PDXDC1: variants seen among roughly 807,000 people sequenced by gnomAD.
PDXDC1 encodes pyridoxal dependent decarboxylase domain containing 1.
Under a neutral mutation model 100.1 loss-of-function variants are expected in PDXDC1, and 42 were observed. That is an observed-to-expected ratio of 0.42 (90% CI 0.33 to 0.54). The LOEUF (loss-of-function observed/expected upper bound fraction) is 0.54. Among genes scored for constraint, PDXDC1 ranks in the 20% least tolerant of loss-of-function variants. The pLI, the probability that PDXDC1 is intolerant of heterozygous loss-of-function variation, is 0.10. For missense variants in PDXDC1, 636 were observed against 979.2 expected (o/e 0.65, Z 4.68); for synonymous variants, 260 against 371.7 (o/e 0.70, Z 3.46).
At chr16:15,072,242 C>A (rs1253917694) in intron 16 of PDXDC1, among the ~76,000 whole-genome samples, 3 of 82,846 alleles carry the variant, frequency 3.6e-5, no homozygotes, top group African/African-American at 6.5e-5. Flanking sequence ...TTCTTTCCCC[C>A]ACCAAAAAAA....
At chr16:15,142,239 C>A (rs2048487050), downstream of PDXDC1, among the ~76,000 whole-genome samples, 1 of 152,138 alleles carries the variant, frequency 6.6e-6, no homozygotes, top group South Asian at 2.1e-4. Context: ...CCCCAGAGCC[C>A]CCCCGCTCCC....
rs576639761 is a variant in PDXDC1 at position 15,127,716 on chromosome 16, C to T, written c.1400-11163C>T. ...AGGCAGAGTCACCAACAGCCCCGTACCACACGGCGTTGGCGCCCAGGAAGA... is the reference window on the plus strand; with the variant it reads ...AGGCAGAGTCACCAACAGCCCCGTATCACACGGCGTTGGCGCCCAGGAAGA... On this transcript the variant is annotated intron_variant, in intron 16 of 16. Coordinates refer to the PDXDC1 transcript ENST00000535621. 39 of 1,502,458 alleles carry T rather than the reference C, an allele frequency of 2.6e-5. No individual in the cohort carries two copies. The African/African-American group carries it at 4.9e-4, about 19-fold the overall frequency. 93.1% of individuals were successfully genotyped at this position (1,502,458 alleles called of 1,614,324 possible).
At chr16:15,055,922 C>T in intron 16 of PDXDC1, 2 of 1,232,900 alleles carry the variant, frequency 1.6e-6, no homozygotes, top group East Asian at 3.2e-5. Flanking sequence ...GACGAGGTCC[C>T]CGGCTGACTG....
rs201108015 is a variant in PDXDC1 at position 15,098,616 on chromosome 16, C to T, written c.1400-40263C>T. On this transcript the variant is annotated intron_variant, in intron 16 of 16. Coordinates refer to the PDXDC1 transcript ENST00000535621. ...CTTCTTGGCCGGGCATGGTGGCTCA[C>T]GCCTGTAATCCCAGCACTTTTGGAG... 1.6e-4 allele frequency among the ~76,000 whole-genome samples: 24 copies of T among 152,008 alleles called. No homozygotes were observed. In the East Asian group the frequency reaches 4.5e-3, roughly 28 times the overall value.
intron 16 of PDXDC1, chr16:15,121,946 T>A (rs1180911851): frequency 3.9e-6 from 1 of 258,574 alleles, no homozygotes. Flanking sequence ...ATGGAGACTA[T>A]CCTGGCGAAC....
rs538946749 is a variant in PDXDC1, at chr16:15,130,802, A to G, written c.1400-8077A>G. The G allele has an allele frequency of 3.2e-5, 30 of 944,848 alleles. No homozygotes were observed. In the African/African-American group the frequency reaches 3.6e-4, roughly 11 times the overall value. The allele number at this position is 944,848 out of a possible 1,614,324, so 58.5% of individuals were successfully genotyped here. On this transcript the variant is annotated intron_variant, in intron 16 of 16. Transcript: ENST00000535621. ...CAGACAGGTAGCGGCCTGGGGCAGA[A>G]CGCGCAGGTCACACGCCTGCTGGGA...
chr16:15,059,253 G>T (rs977832932), intron 16 of PDXDC1, among the ~76,000 whole-genome samples: 15 of 152,106 alleles, frequency 9.9e-5, no homozygotes, highest in Non-Finnish European at 1.9e-4. Context: ...GCACAGCCAG[G>T]GTTAAGAACC....
At chr16:14,979,054 G>A (rs1384398792) in intron 1 of PDXDC1, among the ~76,000 whole-genome samples, 1 of 152,300 alleles carries the variant, frequency 6.6e-6, no homozygotes, top group African/African-American at 2.4e-5. Flanking sequence ...GTCATTGAAA[G>A]TCCCTAATTT....
intron 16 of PDXDC1, among the ~76,000 whole-genome samples, chr16:15,097,712 T>G (rs549862081): frequency 1.3e-5 from 2 of 151,628 alleles, no homozygotes; most frequent in Admixed American, 1.3e-4. Flanking sequence ...GAACATTAAC[T>G]AGGACAATTG....
chr16:15,082,447 TA>T (rs2045746900), intron 16 of PDXDC1, among the ~76,000 whole-genome samples: 1 of 152,042 alleles, frequency 6.6e-6, no homozygotes, highest in South Asian at 2.1e-4. Context: ...TGGAGACGGG[TA>T]GATCGCTTGA....
chr16:15,130,098 G>C lies in PDXDC1; in HGVS notation c.1400-8781G>C, dbSNP rs568775775. On this transcript the variant is annotated intron_variant, in intron 16 of 16. Coordinates refer to the PDXDC1 transcript ENST00000535621. ...GGCTCCTGTGAGGACACAGCCGCCG[G>C]GCCCAGGAGGTCACGTGCAAGCTGT... is the stretch of plus-strand genomic sequence containing the variant. The C allele has an allele frequency of 2.1e-6, 3 of 1,420,186 alleles. No homozygotes were observed. The South Asian group carries it at 3.6e-5, about 17-fold the overall frequency. The allele number at this position is 1,420,186 out of a possible 1,614,324, so 88.0% of individuals were successfully genotyped here. A position where few individuals can be genotyped will look rare whatever the true frequency, so the allele number is the denominator to read the frequency against.
Position 15,125,958 on chromosome 16 carries a change from G to A in PDXDC1, c.1400-12921G>A, listed in dbSNP as rs540463151. The A allele has an allele frequency of 1.6e-3, 993 of 606,728 alleles. 11 individuals carry two copies. The highest frequency in any genetic ancestry group is 0.016 in the African/African-American group (860 of 54,486). The allele number at this position is 606,728 out of a possible 1,614,324, so 37.6% of individuals were successfully genotyped here. A position where few individuals can be genotyped will look rare whatever the true frequency, so the allele number is the denominator to read the frequency against. On this transcript the variant is annotated intron_variant, in intron 16 of 16. Coordinates refer to the PDXDC1 transcript ENST00000535621. ...GATATATGGGACATCTGCACCGTCCGTGATGGCAGCCCCTCGCGACGTGTG... is the reference window on the plus strand; with the variant it reads ...GATATATGGGACATCTGCACCGTCCATGATGGCAGCCCCTCGCGACGTGTG...
intron 1 of PDXDC1, among the ~76,000 whole-genome samples, chr16:14,982,435 C>T (rs1968202085): frequency 6.6e-6 from 1 of 152,250 alleles, no homozygotes; most frequent in African/African-American, 2.4e-5. Flanking sequence ...CCAGCCTGGC[C>T]CACGTGGTGA....
chr16:15,131,229 C>A, intron 16 of PDXDC1: 1 of 1,591,560 alleles, frequency 6.3e-7, no homozygotes, highest in Non-Finnish European at 8.5e-7. Flanking sequence ...CAGCCCAGTC[C>A]GAGTTGTTGG....
chr16:15,066,239 G>A (rs1028132775), intron 16 of PDXDC1, among the ~76,000 whole-genome samples: 3 of 152,160 alleles, frequency 2.0e-5, no homozygotes, highest in African/African-American at 7.2e-5. Flanking sequence ...AGGTAAAGTT[G>A]AAGATCTGCA....
At chr16:15,016,080 C>A in intron 8 of PDXDC1, 49 bp from the exon 9 acceptor site, 1 of 1,613,780 alleles carries the variant, frequency 6.2e-7, no homozygotes, top group South Asian at 1.1e-5. Context: ...AGGTATAAAG[C>A]CTTAGAAAAC....
intron 7 of PDXDC1, 33 bp downstream of exon 7, chr16:15,008,880 G>C (rs550812242): frequency 1.9e-6 from 3 of 1,599,262 alleles, no homozygotes; most frequent in East Asian, 2.2e-5. Flanking sequence ...AAAATCATGT[G>C]GGATTGTGTT....
At chr16:14,996,159 C>A (rs1235987734) in intron 1 of PDXDC1, among the ~76,000 whole-genome samples, 2 of 152,286 alleles carry the variant, frequency 1.3e-5, no homozygotes, top group Admixed American at 1.3e-4. Context: ...GAGAACACAG[C>A]TGGAAAATCC....
At chr16:15,059,711 T>C (rs190767609) in intron 16 of PDXDC1, among the ~76,000 whole-genome samples, 1 of 152,300 alleles carries the variant, frequency 6.6e-6, no homozygotes, top group African/African-American at 2.4e-5. Flanking sequence ...TGGCATGTAA[T>C]TTATAAGGAG....
Sources: gnomAD v4.1 joint callset for allele counts (sites outside exome capture counted in the v4.1 genomes callset) on GRCh38, gnomAD v4.1.1 for gene constraint, MANE v1.5 for transcripts, NCBI Gene and HGNC (gene_info 2026-07-23, HGNC 2026-07-21) for gene names.